The following GMDS variants were observed in gnomAD, a reference collection of about 807,000 sequenced individuals.
GMDS encodes GDP-mannose 4,6 dehydratase.
GMDS carries 20 observed loss-of-function variants against 49.9 expected under a neutral mutation model. The ratio of observed to expected loss-of-function variants is 0.40; its 90% CI spans 0.28 to 0.58. The LOEUF is 0.58. GMDS is among the 20% of genes least tolerant of loss of function. GMDS has a pLI of 0.42. For synonymous variants in GMDS, 177 were observed against 178.6 expected, an observed-to-expected ratio of 0.99 and a Z score of 0.07; for missense variants, 362 against 481.4, an observed-to-expected ratio of 0.75 and a Z score of 2.32.
At chr6:1,839,151 GA>G (rs879548990) in intron 7 of GMDS, among the ~76,000 whole-genome samples, 109 of 145,308 alleles carry the variant, frequency 7.5e-4, no homozygotes, top group South Asian at 2.2e-3. Context: ...TTTCAGCTCA[GA>G]AAAAAAAAAA....
At chr6:1,945,954 CAGTTTTTTTTAA>C (rs1427002860) in intron 6 of GMDS, among the ~76,000 whole-genome samples, 5 of 152,118 alleles carry the variant, frequency 3.3e-5, no homozygotes, top group Non-Finnish European at 7.3e-5. Context: ...CACCATGAAA[CAGTTTTTTTTAA>C]AGTTAATAGA....
intron 3 of GMDS, 36 bp from the exon 4 acceptor site, chr6:2,115,916 A>G: frequency 9.0e-7 from 1 of 1,110,744 alleles, no homozygotes; most frequent in South Asian, 1.3e-5. Context: ...AGATAGAGAA[A>G]AGCAACATAA....
At chr6:2,174,045 C>A (rs1778148961) in intron 1 of GMDS, among the ~76,000 whole-genome samples, 1 of 152,178 alleles carries the variant, frequency 6.6e-6, no homozygotes, top group Non-Finnish European at 1.5e-5. Flanking sequence ...AACCATGAGA[C>A]TGAGGACCAA....
intron 6 of GMDS, among the ~76,000 whole-genome samples, chr6:1,953,412 T>C (rs1028530701): frequency 6.6e-6 from 1 of 152,256 alleles, no homozygotes; most frequent in South Asian, 2.1e-4. Context: ...ATCTAATCAT[T>C]AAATTTTTTA....
At chr6:1,938,035 G>A (rs947406465) in intron 6 of GMDS, among the ~76,000 whole-genome samples, 1 of 152,104 alleles carries the variant, frequency 6.6e-6, no homozygotes, top group African/African-American at 2.4e-5. Flanking sequence ...GGGGATACTT[G>A]AAATACATGA....
intron 1 of GMDS, 127 bp downstream of exon 1, chr6:2,245,194 A>C: frequency 1.5e-6 from 1 of 676,996 alleles, no homozygotes; most frequent in East Asian, 3.1e-5. Context: ...ACCTCCCGGC[A>C]GCAGACCCCT....
chr6:2,201,463 T>C (rs1323758968), intron 1 of GMDS, among the ~76,000 whole-genome samples: 12 of 94,682 alleles, frequency 1.3e-4, no homozygotes, highest in East Asian at 3.9e-4. Flanking sequence ...CATGCACATC[T>C]GAGATGAAAC....
At chr6:2,228,771 T>C (rs1388993425) in intron 1 of GMDS, among the ~76,000 whole-genome samples, 5 of 152,226 alleles carry the variant, frequency 3.3e-5, no homozygotes, top group Admixed American at 2.6e-4. Context: ...AACTGTGTAG[T>C]GCTGTAGAGC....
At chr6:1,821,816 C>A (rs1426933968) in intron 7 of GMDS, among the ~76,000 whole-genome samples, 1 of 152,072 alleles carries the variant, frequency 6.6e-6, no homozygotes, top group African/African-American at 2.4e-5. Flanking sequence ...CACATTTCAA[C>A]TTTCATGACA....
At chr6:1,723,595 A>AT (rs113558437) in intron 9 of GMDS, among the ~76,000 whole-genome samples, 5 of 148,442 alleles carry the variant, frequency 3.4e-5, no homozygotes, top group African/African-American at 5.0e-5. Context: ...TCTTTATGGC[A>AT]ATTTTTTTTT....
chr6:1,711,386 A>G (rs1765957296), intron 9 of GMDS, among the ~76,000 whole-genome samples: 1 of 152,224 alleles, frequency 6.6e-6, no homozygotes, highest in East Asian at 1.9e-4. Context: ...AGGCTTAAGA[A>G]CCATGGACTA....
chr6:1,828,629 T>C (rs180971065), intron 7 of GMDS, among the ~76,000 whole-genome samples: 4 of 152,348 alleles, frequency 2.6e-5, no homozygotes, highest in African/African-American at 4.8e-5. Context: ...GAAGGCCCAG[T>C]GGCTGATATA....
At chr6:2,223,905 G>A (rs1780706746) in intron 1 of GMDS, among the ~76,000 whole-genome samples, 1 of 152,160 alleles carries the variant, frequency 6.6e-6, no homozygotes, top group Non-Finnish European at 1.5e-5. Flanking sequence ...CATAGAAAGT[G>A]AACAAAGTAG....
chr6:2,193,719 TA>T (rs369620948), intron 1 of GMDS, among the ~76,000 whole-genome samples: 18 of 141,138 alleles, frequency 1.3e-4, no homozygotes, highest in Non-Finnish European at 2.2e-4. Context: ...GTGAAAATGC[TA>T]TTTTTTTTTT....
intron 9 of GMDS, among the ~76,000 whole-genome samples, chr6:1,632,034 G>A (rs528643413): frequency 6.6e-6 from 1 of 152,260 alleles, no homozygotes; most frequent in East Asian, 1.9e-4. Context: ...TATACTACAT[G>A]GTCACCTGGC....
intron 5 of GMDS, 62 bp downstream of exon 5, chr6:1,960,712 C>G (rs2127296914): frequency 9.1e-7 from 1 of 1,097,470 alleles, no homozygotes; most frequent in Non-Finnish European, 1.3e-6. Flanking sequence ...AGGAAAAACA[C>G]ACACCCCCCA....
intron 9 of GMDS, among the ~76,000 whole-genome samples, chr6:1,690,532 G>A (rs182517212): frequency 1.3e-5 from 2 of 152,214 alleles, no homozygotes; most frequent in East Asian, 1.9e-4. Context: ...GGTTGTAGAC[G>A]TGCAGTCTTA....
chr6:1,876,354 T>A (rs1424705686), intron 7 of GMDS, among the ~76,000 whole-genome samples: 2 of 152,250 alleles, frequency 1.3e-5, no homozygotes, highest in Non-Finnish European at 2.9e-5. Flanking sequence ...AAAGACGTGT[T>A]TGAAGTGAAA....
chr6:1,919,964 G>T (rs1761635410), intron 7 of GMDS, among the ~76,000 whole-genome samples: 1 of 152,176 alleles, frequency 6.6e-6, no homozygotes. Flanking sequence ...TGAAATAACA[G>T]ATACAAATGA....
Sources: allele counts gnomAD v4.1 joint callset (sites outside exome capture counted in the v4.1 genomes callset), GRCh38; gene constraint gnomAD v4.1.1; transcripts MANE v1.5; gene names NCBI Gene and HGNC (gene_info 2026-07-23, HGNC 2026-07-21).